The following CNOT2 variants were observed in gnomAD, a reference collection of about 807,000 sequenced individuals.
CNOT2 encodes CC chemokine receptor 4-negative regulator of transcription 2.
CNOT2 carries 7 observed loss-of-function variants against 72.1 expected under a neutral mutation model. The observed-to-expected ratio is 0.10, with a 90% confidence interval of 0.06 to 0.18. CNOT2 has a LOEUF of 0.18. CNOT2 is among the 10% of genes least tolerant of loss of function. The probability of loss-of-function intolerance (pLI) is 1.00; values close to 1 mark genes in which losing one functional copy is unlikely to be tolerated. For missense variants in CNOT2, 345 were observed against 660.3 expected (o/e 0.52, Z 5.23); for synonymous variants, 196 against 225.6 (o/e 0.87, Z 1.17).
intron 1 of CNOT2, among the ~76,000 whole-genome samples, chr12:70,254,374 G>A (rs1367353246): frequency 1.3e-5 from 2 of 152,146 alleles, no homozygotes; most frequent in African/African-American, 4.8e-5. Flanking sequence ...TGTGAATAAG[G>A]GGTGGGTAGC....
At chr12:70,275,155 T>G (rs548513021) in intron 1 of CNOT2, among the ~76,000 whole-genome samples, 1 of 151,594 alleles carries the variant, frequency 6.6e-6, no homozygotes, top group African/African-American at 2.4e-5. Flanking sequence ...TGTAGATAGT[T>G]TTCTTTTCTT....
chr12:70,296,213 A>G (rs560921807), intron 2 of CNOT2, among the ~76,000 whole-genome samples: 1 of 152,240 alleles, frequency 6.6e-6, no homozygotes, highest in Admixed American at 6.5e-5. Context: ...GAGCCCCCCA[A>G]AAATACACAG....
At chr12:70,331,478 T>C (rs1879931913) in intron 6 of CNOT2, 2 of 151,902 alleles carry the variant, frequency 1.3e-5, no homozygotes, top group African/African-American at 4.8e-5. Flanking sequence ...GCATTGAATG[T>C]ATAAATTTTT....
intron 2 of CNOT2, among the ~76,000 whole-genome samples, chr12:70,279,741 A>G (rs1869482379): frequency 6.6e-6 from 1 of 152,232 alleles, no homozygotes; most frequent in Admixed American, 6.5e-5. Context: ...TTATGTGATT[A>G]CACACTATAG....
At chr12:70,335,640 A>G in intron 8 of CNOT2, 77 bp downstream of exon 8, 1 of 1,079,076 alleles carries the variant, frequency 9.3e-7, no homozygotes, top group Non-Finnish European at 1.4e-6. Context: ...ACATGTACGT[A>G]TACATATGCT....
At chr12:70,265,328 T>TCTTCTCTTC (rs1565743571) in intron 1 of CNOT2, among the ~76,000 whole-genome samples, 6 of 49,298 alleles carry the variant, frequency 1.2e-4, no homozygotes, top group African/African-American at 3.3e-4. Flanking sequence ...CTCTTCTCTT[T>TCTTCTCTTC]CTTTCTTTTT....
At chr12:70,338,053 C>T (rs768779451) in intron 9 of CNOT2, 11 of 220,150 alleles carry the variant, frequency 5.0e-5, no homozygotes, top group Non-Finnish European at 9.8e-5. Context: ...AACTTATCTT[C>T]AAGGTAGCTT....
intron 1 of CNOT2, among the ~76,000 whole-genome samples, chr12:70,277,427 C>T (rs951822102): frequency 1.3e-5 from 2 of 151,816 alleles, no homozygotes; most frequent in Non-Finnish European, 2.9e-5. Flanking sequence ...TTATTTATAT[C>T]TCTGCAGTTT....
Position 70,341,950 on chromosome 12 carries a change from A to C in CNOT2, c.1179-157A>C, listed in dbSNP as rs1881568684. ...TTTACAGACACACACACAAACACACACAGTCTTCATTTGCTTCTGTATAAG... is the reference window on the plus strand; with the variant it reads ...TTTACAGACACACACACAAACACACCCAGTCTTCATTTGCTTCTGTATAAG... On this transcript the variant is annotated intron_variant, in intron 11 of 15. Transcript: ENST00000229195. 2.5e-5 allele frequency: 16 copies of C among 642,294 alleles called. 1 individual carries two copies. The highest frequency in any genetic ancestry group is 2.3e-4 in the South Asian group (12 of 52,942). 39.8% of individuals were successfully genotyped at this position (642,294 alleles called of 1,614,324 possible).
intron 1 of CNOT2, among the ~76,000 whole-genome samples, chr12:70,266,599 G>T (rs888649395): frequency 5.1e-4 from 77 of 152,022 alleles, no homozygotes; most frequent in African/African-American, 1.7e-3. Context: ...ATTAGTTTTT[G>T]GTATTTTTAA....
chr12:70,342,289 C>T lies in CNOT2; in HGVS notation c.1272C>T (p.Asn424=). 1.2e-6 allele frequency: 2 copies of T among 1,613,632 alleles called. No individual in the cohort carries two copies. Among genetic ancestry groups the T allele is most frequent in the Non-Finnish European group, 1.7e-6 (2 of 1,179,786 alleles). ...DFHVPSEYLT[N]IHIRDKLAAI... The stretch of plus-strand genomic sequence containing the variant: ...ATGTTCCATCTGAGTACTTAACGAA[C>T]ATTCACATTAGGGATAAGGTGAGTG... The change falls in exon 13 of 16, where the codon AAC becomes AAT. Residue 424 remains asparagine (N), a synonymous_variant. Coordinates refer to ENST00000229195, the MANE Select transcript of CNOT2 (RefSeq NM_014515.7).
intron 3 of CNOT2, among the ~76,000 whole-genome samples, chr12:70,315,020 C>A (rs192608371): frequency 1.3e-5 from 2 of 151,968 alleles, no homozygotes; most frequent in Admixed American, 1.3e-4. Context: ...TGCATCACCA[C>A]GCCCGGCTAA....
At chr12:70,302,139 A>C (rs1212465080) in intron 2 of CNOT2, among the ~76,000 whole-genome samples, 3 of 152,028 alleles carry the variant, frequency 2.0e-5, no homozygotes, top group African/African-American at 7.3e-5. Context: ...CGGTCTATCA[A>C]TTTTGTTGAT....
intron 1 of CNOT2, among the ~76,000 whole-genome samples, chr12:70,257,354 C>CCTTTTTTT (rs1958507396): frequency 3.1e-4 from 40 of 128,570 alleles, no homozygotes; most frequent in African/African-American, 1.1e-3. Context: ...CAACTACCCC[C>CCTTTTTTT]TTTTTTTTTT....
At chr12:70,346,115 A>T (rs770616574) in intron 14 of CNOT2, 65 bp from the exon 15 acceptor site, 8 of 1,092,644 alleles carry the variant, frequency 7.3e-6, no homozygotes, top group Non-Finnish European at 9.4e-6. Flanking sequence ...GCTTTACAAA[A>T]TGTAGAACAT....
chr12:70,262,925 G>A (rs1305497031), intron 1 of CNOT2, among the ~76,000 whole-genome samples: 1 of 151,882 alleles, frequency 6.6e-6, no homozygotes, highest in Admixed American at 6.6e-5. Context: ...TGTCTACCTC[G>A]GCCTCTCAAA....
At chr12:70,283,647 TAAAAAAA>T (rs34501610) in intron 2 of CNOT2, among the ~76,000 whole-genome samples, 10 of 122,910 alleles carry the variant, frequency 8.1e-5, no homozygotes, top group African/African-American at 1.2e-4. Flanking sequence ...AGAATGAGTT[TAAAAAAA>T]AAAAAAAAAA....
intron 4 of CNOT2, among the ~76,000 whole-genome samples, chr12:70,320,568 ATATT>A (rs1878128113): frequency 6.6e-6 from 1 of 151,774 alleles, no homozygotes; most frequent in African/African-American, 2.4e-5. Context: ...TTATCTACAA[ATATT>A]TATCCTAGTT....
At chr12:70,278,645 T>C (rs1436916319) in intron 2 of CNOT2, among the ~76,000 whole-genome samples, 1 of 152,184 alleles carries the variant, frequency 6.6e-6, no homozygotes, top group Non-Finnish European at 1.5e-5. Flanking sequence ...TGCTATATTT[T>C]GGATAACAAA....
Sources: allele counts gnomAD v4.1 joint callset (sites outside exome capture counted in the v4.1 genomes callset), GRCh38; gene constraint gnomAD v4.1.1; transcripts MANE v1.5; gene names NCBI Gene and HGNC (gene_info 2026-07-23, HGNC 2026-07-21).